TMTC2: variants seen among roughly 807,000 people sequenced by gnomAD.
TMTC2 encodes protein O-mannosyl-transferase TMTC2.
Under a neutral mutation model 82.4 loss-of-function variants are expected in TMTC2, and 43 were observed. The observed-to-expected ratio is 0.52, with a 90% CI of 0.41 to 0.67. The LOEUF is 0.67. Ranked by LOEUF, TMTC2 falls within the 30% of genes least tolerant of loss-of-function variation. The pLI is 0.00. For synonymous variants in TMTC2, 408 were observed against 381.9 expected (o/e 1.07, Z -0.80); for missense variants, 919 against 1,012.4 (o/e 0.91, Z 1.25).
intron 8 of TMTC2, among the ~76,000 whole-genome samples, chr12:83,017,345 A>T (rs1880721480): frequency 6.6e-6 from 1 of 152,208 alleles, no homozygotes; most frequent in Admixed American, 6.5e-5. Context: ...GCTGTTATAA[A>T]TACATTGAAA....
chr12:82,892,356 T>C (rs931290783), intron 2 of TMTC2, among the ~76,000 whole-genome samples: 3 of 152,216 alleles, frequency 2.0e-5, no homozygotes, highest in Admixed American at 1.3e-4. Context: ...TTTTCATTAT[T>C]CATATCTTTA....
At chr12:82,981,620 C>T (rs57096958) in intron 7 of TMTC2, among the ~76,000 whole-genome samples, 2,099 of 151,958 alleles carry the variant, frequency 0.014, 21 homozygotes, top group Non-Finnish European at 0.022. Context: ...AAATAGTCAT[C>T]GTTGTTTCTT....
intron 1 of TMTC2, among the ~76,000 whole-genome samples, chr12:82,767,132 G>A (rs1387178644): frequency 1.3e-5 from 2 of 152,144 alleles, no homozygotes; most frequent in Non-Finnish European, 2.9e-5. Context: ...TAAATCATGA[G>A]TGAACAACTT....
intron 11 of TMTC2, among the ~76,000 whole-genome samples, chr12:83,077,495 A>G (rs976821367): frequency 5.3e-5 from 8 of 152,158 alleles, no homozygotes; most frequent in African/African-American, 1.9e-4. Context: ...AGGCTGTCAT[A>G]TTATGTAAAA....
rs149010981 is a variant in TMTC2 at position 83,038,834 on chromosome 12, C to T, written c.2152+7955C>T. ...CTTTTGTTTTCCTTTGTTCGGAAGGCTTAATGTTTTCTATTTTAAATTTTC... is the reference window on the plus strand; with the variant it reads ...CTTTTGTTTTCCTTTGTTCGGAAGGTTTAATGTTTTCTATTTTAAATTTTC... On this transcript the variant is annotated intron_variant, in intron 9 of 11. Transcript: ENST00000321196. 7.4e-3 allele frequency among the ~76,000 whole-genome samples: 1,124 copies of T among 151,172 alleles called. 9 individuals carry two copies. The highest frequency in any genetic ancestry group is 0.026 in the African/African-American group (1,073 of 41,202).
intron 1 of TMTC2, among the ~76,000 whole-genome samples, chr12:82,742,492 A>T (rs1056354467): frequency 6.6e-6 from 1 of 151,936 alleles, no homozygotes; most frequent in Non-Finnish European, 1.5e-5. Flanking sequence ...TGTCTAAACG[A>T]GATGACTTCC....
intron 4 of TMTC2, among the ~76,000 whole-genome samples, chr12:82,960,166 C>G (rs992019679): frequency 2.6e-5 from 4 of 151,826 alleles, no homozygotes; most frequent in Non-Finnish European, 4.4e-5. Flanking sequence ...GTCAAAAAAA[C>G]AATAGGTGCT....
At chr12:83,053,479 T>C (rs1882426737) in intron 10 of TMTC2, among the ~76,000 whole-genome samples, 1 of 152,036 alleles carries the variant, frequency 6.6e-6, no homozygotes, top group Non-Finnish European at 1.5e-5. Flanking sequence ...ATTTCCAATG[T>C]AATGACCAAA....
chr12:82,698,288 A>G (rs1872912627), intron 1 of TMTC2, among the ~76,000 whole-genome samples: 2 of 152,214 alleles, frequency 1.3e-5, no homozygotes, highest in Non-Finnish European at 2.9e-5. Context: ...AAAAGATTAC[A>G]GTTTTAGTCT....
At chr12:82,980,807 A>G (rs1878883154) in intron 7 of TMTC2, among the ~76,000 whole-genome samples, 1 of 151,868 alleles carries the variant, frequency 6.6e-6, no homozygotes, top group African/African-American at 2.4e-5. Context: ...GCCCATAGCC[A>G]CTTACTATCT....
At chr12:83,007,459 G>T (rs1880256001) in intron 8 of TMTC2, among the ~76,000 whole-genome samples, 1 of 151,844 alleles carries the variant, frequency 6.6e-6, no homozygotes, top group Non-Finnish European at 1.5e-5. Flanking sequence ...AATTTTCATG[G>T]TGGTTGCCCT....
At chr12:82,965,862 G>A (rs1481506702) in intron 6 of TMTC2, 118 bp downstream of exon 6, 9 of 1,040,940 alleles carry the variant, frequency 8.6e-6, no homozygotes, top group Non-Finnish European at 1.3e-5. Flanking sequence ...ATGTATACAC[G>A]TTAAACTATT....
At chr12:83,065,253 T>G (rs1882876758) in intron 11 of TMTC2, among the ~76,000 whole-genome samples, 1 of 151,942 alleles carries the variant, frequency 6.6e-6, no homozygotes, top group South Asian at 2.1e-4. Flanking sequence ...ATTTCTTTAT[T>G]TTTTCTATGA....
intron 11 of TMTC2, among the ~76,000 whole-genome samples, chr12:83,065,757 G>A (rs985693954): frequency 1.3e-5 from 2 of 151,774 alleles, no homozygotes; most frequent in Non-Finnish European, 2.9e-5. Context: ...AGGACTAGAG[G>A]GGATATTAAA....
intron 1 of TMTC2, among the ~76,000 whole-genome samples, chr12:82,809,001 AT>A (rs374885033): frequency 0.14 from 20,315 of 149,322 alleles, 1,641 homozygotes; most frequent in African/African-American, 0.21. Flanking sequence ...CCATTGTTTG[AT>A]TTTTTTTTCT....
intron 1 of TMTC2, among the ~76,000 whole-genome samples, chr12:82,781,049 TA>T (rs1877879315): frequency 1.3e-5 from 2 of 152,106 alleles, no homozygotes; most frequent in Admixed American, 6.6e-5. Context: ...CAGTTTTAGA[TA>T]TTTTTTTACC....
intron 1 of TMTC2, among the ~76,000 whole-genome samples, chr12:82,702,848 T>C (rs1044798545): frequency 2.6e-5 from 4 of 151,964 alleles, no homozygotes; most frequent in Non-Finnish European, 5.9e-5. Context: ...ACCCTGTCTC[T>C]ATAAAAAATA....
intron 8 of TMTC2, among the ~76,000 whole-genome samples, chr12:83,026,443 C>T (rs570127500): frequency 6.6e-6 from 1 of 151,852 alleles, no homozygotes; most frequent in South Asian, 2.1e-4. Flanking sequence ...CACTCAAAAT[C>T]ATAATGCAAT....
intron 1 of TMTC2, among the ~76,000 whole-genome samples, chr12:82,697,334 CAAAAAAAA>C (rs367770708): frequency 1.6e-5 from 1 of 61,676 alleles, no homozygotes; most frequent in African/African-American, 6.7e-5. Flanking sequence ...CAGCCTGTCT[CAAAAAAAA>C]AAAAAAAAAA....
Sources: gnomAD v4.1 joint callset for allele counts (sites outside exome capture counted in the v4.1 genomes callset) on GRCh38, gnomAD v4.1.1 for gene constraint, MANE v1.5 for transcripts, NCBI Gene and HGNC (gene_info 2026-07-23, HGNC 2026-07-21) for gene names.